The following MAP2 variants were observed in gnomAD, a reference collection of about 807,000 sequenced individuals.
The protein encoded by MAP2 is microtubule-associated protein 2.
A neutral mutation model predicts 137.6 loss-of-function variants in MAP2; 14 were observed. That is an observed-to-expected ratio of 0.10 (90% CI 0.07 to 0.16). The LOEUF (loss-of-function observed/expected upper bound fraction) is 0.16. MAP2 is among the 10% of genes least tolerant of loss of function. MAP2 has a pLI of 1.00. For missense variants in MAP2, 2,088 were observed against 2,191.5 expected (o/e 0.95, Z 0.94); for synonymous variants, 786 against 782.3 (o/e 1.00, Z -0.08).
At chr2:209,559,970 G>C (rs1017132858) in intron 2 of MAP2, among the ~76,000 whole-genome samples, 3 of 152,190 alleles carry the variant, frequency 2.0e-5, no homozygotes, top group Non-Finnish European at 4.4e-5. Flanking sequence ...TCATGACTAT[G>C]ATTAGTGCTA....
intron 2 of MAP2, among the ~76,000 whole-genome samples, chr2:209,556,662 TAAAAAAA>T: frequency 9.2e-6 from 1 of 108,466 alleles, no homozygotes; most frequent in East Asian, 2.6e-4. Context: ...TCTGGCCTAT[TAAAAAAA>T]AAAAAAAAAA....
chr2:209,685,224 A>G (rs963287874), intron 7 of MAP2, among the ~76,000 whole-genome samples: 1 of 152,162 alleles, frequency 6.6e-6, no homozygotes, highest in Non-Finnish European at 1.5e-5. Context: ...ATGGAAGTAA[A>G]TTATCTTCAA....
intron 14 of MAP2, among the ~76,000 whole-genome samples, chr2:209,727,380 T>G (rs1359385976): frequency 1.6e-4 from 24 of 152,260 alleles, no homozygotes; most frequent in Admixed American, 1.6e-3. Context: ...TGCTGGACTC[T>G]TCAATTCTAG....
intron 2 of MAP2, among the ~76,000 whole-genome samples, chr2:209,537,931 T>C (rs1418268287): frequency 6.6e-6 from 1 of 152,200 alleles, no homozygotes; most frequent in Non-Finnish European, 1.5e-5. Flanking sequence ...TTGGCACCTG[T>C]ACCAAATACA....
intron 1 of MAP2, among the ~76,000 whole-genome samples, chr2:209,473,171 A>C (rs1706234374): frequency 6.6e-6 from 1 of 152,128 alleles, no homozygotes; most frequent in Admixed American, 6.6e-5. Context: ...GTCTGTCTCA[A>C]GTACTTACTA....
At chr2:209,463,126 G>A (rs535776750) in intron 1 of MAP2, among the ~76,000 whole-genome samples, 2 of 152,204 alleles carry the variant, frequency 1.3e-5, no homozygotes, top group East Asian at 3.9e-4. Flanking sequence ...ATTGATAAAT[G>A]TTGAGATGAG....
chr2:209,594,136 A>G (rs1170183456), intron 3 of MAP2, among the ~76,000 whole-genome samples: 5 of 2,114 alleles, frequency 2.4e-3, no homozygotes, highest in Non-Finnish European at 0.023. Flanking sequence ...TAACAGATGA[A>G]AAAAAAAAAA....
intron 5 of MAP2, among the ~76,000 whole-genome samples, chr2:209,675,717 AT>A (rs1288549909): frequency 1.3e-5 from 2 of 151,968 alleles, no homozygotes; most frequent in East Asian, 3.9e-4. Flanking sequence ...TACTGAAATA[AT>A]GTAGAGTTGC....
chr2:209,521,661 G>A (rs17317645), intron 2 of MAP2, among the ~76,000 whole-genome samples: 3,309 of 152,074 alleles, frequency 0.022, 38 homozygotes, highest in Non-Finnish European at 0.033. Flanking sequence ...AACTCTGTCA[G>A]CTGGGCCCCT....
chr2:209,728,690 T>C (rs1169804155), intron 14 of MAP2, among the ~76,000 whole-genome samples: 5 of 152,290 alleles, frequency 3.3e-5, no homozygotes, highest in Non-Finnish European at 5.9e-5. Context: ...GAATCCAAAA[T>C]TGCAAAATCT....
At chr2:209,439,227 C>T (rs1697151118) in intron 1 of MAP2, among the ~76,000 whole-genome samples, 1 of 151,542 alleles carries the variant, frequency 6.6e-6, no homozygotes, top group East Asian at 1.9e-4. Context: ...TGTGTACCCA[C>T]ATTGCTGCTC....
At chr2:209,439,722 C>G (rs1697286388) in intron 1 of MAP2, among the ~76,000 whole-genome samples, 1 of 151,330 alleles carries the variant, frequency 6.6e-6, no homozygotes. Flanking sequence ...TCACATTAGC[C>G]ATTTGAGAAC....
rs576790743 is a variant in MAP2, at chr2:209,635,053, T to C, written c.-30+9924T>C. ...AAGAAGCTTGAGAGAGCTATGATCA[T>C]GCCACTACACTCCAGCCTGGGTGAC... On this transcript the variant is annotated intron_variant, in intron 4 of 15. Coordinates refer to ENST00000682079, the MANE Select transcript of MAP2 (RefSeq NM_001375505.1). Among the ~76,000 whole-genome samples the C allele has an allele frequency of 3.1e-3, 477 of 152,186 alleles. 2 individuals carry two copies. Among genetic ancestry groups the C allele is most frequent in the Middle Eastern group, 0.01 (3 of 294 alleles).
At chr2:209,521,881 TAGC>T (rs2063336103) in intron 2 of MAP2, among the ~76,000 whole-genome samples, 2 of 152,172 alleles carry the variant, frequency 1.3e-5, no homozygotes, top group Admixed American at 6.6e-5. Flanking sequence ...TATAAATACA[TAGC>T]AGTGTAGTTC....
chr2:209,715,233 T>C (rs1484429985), intron 13 of MAP2, among the ~76,000 whole-genome samples: 3 of 152,080 alleles, frequency 2.0e-5, no homozygotes, highest in Non-Finnish European at 2.9e-5. Flanking sequence ...AGCTTTTTAA[T>C]TTCTAAGGAT....
Position 209,693,107 on chromosome 2 carries a change from A to G in MAP2, c.937A>G (p.Met313Val). The change falls in exon 8 of 16, where the codon ATG becomes GTG. Residue 313 changes from methionine (M) to valine (V), a missense_variant. Coordinates refer to ENST00000682079, the MANE Select transcript of MAP2 (RefSeq NM_001375505.1). ...GGAAGGGAAACAGTTTGATTCTCCC[A>G]TGCCAAGTCCCTTTCAAGGGGGAAG... is the stretch of plus-strand genomic sequence containing the variant. ...KWEGKQFDSP[M>V]PSPFQGGSFT... 1.2e-6 allele frequency: 2 copies of G among 1,613,168 alleles called. No individual in the cohort carries two copies. Among genetic ancestry groups the G allele is most frequent in the Non-Finnish European group, 8.5e-7 (1 of 1,179,714 alleles).
At chr2:209,466,820 A>G (rs1575496687) in intron 1 of MAP2, among the ~76,000 whole-genome samples, 2 of 152,198 alleles carry the variant, frequency 1.3e-5, no homozygotes, top group African/African-American at 2.4e-5. Flanking sequence ...AGAAGATCAA[A>G]TTCTTGCCAC....
intron 1 of MAP2, among the ~76,000 whole-genome samples, chr2:209,433,904 AAAAAAT>A (rs375678977): frequency 2.0e-5 from 3 of 152,092 alleles, no homozygotes; most frequent in African/African-American, 7.2e-5. Flanking sequence ...GTAGTCAAAA[AAAAAAT>A]TCCATTCTCA....
chr2:209,614,173 T>A (rs1335212707), intron 3 of MAP2, among the ~76,000 whole-genome samples: 2 of 152,098 alleles, frequency 1.3e-5, no homozygotes, highest in Non-Finnish European at 2.9e-5. Flanking sequence ...CCATTCCGAC[T>A]GCCCCTCATC....
Sources: gnomAD v4.1 joint callset for allele counts (sites outside exome capture counted in the v4.1 genomes callset) on GRCh38, gnomAD v4.1.1 for gene constraint, MANE v1.5 for transcripts, NCBI Gene and HGNC (gene_info 2026-07-23, HGNC 2026-07-21) for gene names.